NEK6: variants seen among roughly 807,000 people sequenced by gnomAD.
NEK6 encodes NIMA related kinase 6, also known as serine/threonine-protein kinase Nek6.
Under a neutral mutation model 43.5 loss-of-function variants are expected in NEK6, and 27 were observed. The observed-to-expected ratio is 0.62, with a 90% confidence interval of 0.46 to 0.86. The LOEUF (loss-of-function observed/expected upper bound fraction) is 0.86, where lower values mean the gene tolerates loss of function less well. NEK6 is among the 40% of genes least tolerant of loss of function. The pLI, the probability that NEK6 is intolerant of heterozygous loss-of-function variation, is 0.00. For synonymous variants in NEK6, 167 were observed against 164.1 expected (o/e 1.02, Z -0.14); for missense variants, 318 against 414.4 (o/e 0.77, Z 2.02).
intron 1 of NEK6, chr9:124,258,339 G>A (rs1830891280): frequency 1.0e-6 from 1 of 985,034 alleles, no homozygotes; most frequent in African/African-American, 1.7e-5. Context: ...GTGCACCCCG[G>A]AGCGTCTGGT....
chr9:124,265,305 C>A (rs1412390307), intron 1 of NEK6, among the ~76,000 whole-genome samples: 1 of 152,188 alleles, frequency 6.6e-6, no homozygotes, highest in African/African-American at 2.4e-5. Flanking sequence ...AGGCGGATCA[C>A]GAGCTCAGGA....
chr9:124,344,572 C>T (rs1829818861), intron 8 of NEK6, among the ~76,000 whole-genome samples: 1 of 152,202 alleles, frequency 6.6e-6, no homozygotes, highest in Non-Finnish European at 1.5e-5. Flanking sequence ...GAGCTGGGAG[C>T]AACAATGCCC....
intron 1 of NEK6, among the ~76,000 whole-genome samples, chr9:124,287,024 C>T (rs1318978725): frequency 6.6e-6 from 1 of 152,192 alleles, no homozygotes; most frequent in African/African-American, 2.4e-5. Flanking sequence ...ACCTGCTGCC[C>T]CCCGGCTGTG....
At position 124,279,200 on chromosome 9, in the gene NEK6, A is replaced by G. The variant is rs1353358065; in HGVS notation, c.-30+21115A>G. 1.3e-5 allele frequency among the ~76,000 whole-genome samples: 2 copies of G among 151,780 alleles called. 1 individual carries two copies. The highest frequency in any genetic ancestry group is 2.9e-5 in the Non-Finnish European group (2 of 67,946). ...CAGGAGGGTCTTTATGGGGGCAAAC[A>G]GGGCAGGGAGCTCCCCCTCGGACCC... is the stretch of plus-strand genomic sequence containing the variant. On this transcript the variant is annotated intron_variant, in intron 1 of 9. Transcript: ENST00000320246.
rs966808595 is a variant in NEK6, at chr9:124,258,060, C to G, written c.-55C>G. On this transcript the variant is annotated 5_prime_UTR_variant, in exon 1 of 10. Coordinates refer to ENST00000320246, the MANE Select transcript of NEK6 (RefSeq NM_014397.6). ...GCGGGCCAGCGCACCGGTCCCCCAGCGGCAGCCGAGCCCGCCCGCGCGCCG... is the reference window on the plus strand; with the variant it reads ...GCGGGCCAGCGCACCGGTCCCCCAGGGGCAGCCGAGCCCGCCCGCGCGCCG... The G allele has an allele frequency of 2.0e-6, 2 of 979,058 alleles. No individual in the cohort carries two copies. The highest frequency in any genetic ancestry group is 1.3e-4 in the Admixed American group (2 of 15,702). The allele number at this position is 979,058 out of a possible 1,614,324, so 60.6% of individuals were successfully genotyped here.
Position 124,350,911 on chromosome 9 carries a change from G to A in NEK6, c.906G>A (p.Val302=), listed in dbSNP as rs141017419. Residue 302 remains valine (V), a synonymous_variant, in exon 10 of 10, where the codon GTG becomes GTA. Coordinates refer to ENST00000320246, the MANE Select transcript of NEK6 (RefSeq NM_014397.6). ...CTGACATCGGATACGTGCACCAGGT[G>A]GCCAAGCAGATGCACATCTGGATGT... The part of the protein sequence containing the change: ...QRPDIGYVHQ[V]AKQMHIWMSS... 7.6e-4 allele frequency: 1,224 copies of A among 1,611,054 alleles called. 1 individual carries two copies. The highest frequency in any genetic ancestry group is 9.3e-4 in the Non-Finnish European group (1,095 of 1,179,922).
chr9:124,291,693 T>G, intron 1 of NEK6: 1 of 265,490 alleles, frequency 3.8e-6, no homozygotes, highest in Non-Finnish European at 5.8e-6. Flanking sequence ...TGGGCCCCAG[T>G]GTGGATAGGT....
At chr9:124,266,105 G>T (rs1831217020) in intron 1 of NEK6, among the ~76,000 whole-genome samples, 1 of 152,234 alleles carries the variant, frequency 6.6e-6, no homozygotes, top group Non-Finnish European at 1.5e-5. Context: ...AGAGGGCTGG[G>T]GTGAAGGGCA....
chr9:124,348,319 C>T (rs1830060568), intron 9 of NEK6, among the ~76,000 whole-genome samples: 1 of 152,214 alleles, frequency 6.6e-6, no homozygotes, highest in Non-Finnish European at 1.5e-5. Flanking sequence ...ACATTTTACA[C>T]TGGCTGCGGG....
chr9:124,322,617 C>T (rs1834126886), intron 5 of NEK6, among the ~76,000 whole-genome samples: 1 of 152,244 alleles, frequency 6.6e-6, no homozygotes, highest in Non-Finnish European at 1.5e-5. Flanking sequence ...TAGTGGAGGT[C>T]CTCACGTCCC....
At chr9:124,335,157 T>A (rs1189178272) in intron 7 of NEK6, among the ~76,000 whole-genome samples, 1 of 152,186 alleles carries the variant, frequency 6.6e-6, no homozygotes, top group Non-Finnish European at 1.5e-5. Flanking sequence ...GGAATCCACT[T>A]ACATTTGTCC....
At chr9:124,269,534 C>T (rs888066916) in intron 1 of NEK6, among the ~76,000 whole-genome samples, 8 of 152,002 alleles carry the variant, frequency 5.3e-5, no homozygotes, top group South Asian at 4.2e-4. Flanking sequence ...CCACCACGCC[C>T]GGCTAATTTT....
At position 124,324,368 on chromosome 9, in the gene NEK6, G is replaced by A. The variant is rs777956690; in HGVS notation, c.406-1962G>A. ...TGTCAGGCAGCAGGGATTGTGTCCCGAGAGCCTGCAGCCTCAAGGGCTGAG... is the reference window on the plus strand; with the variant it reads ...TGTCAGGCAGCAGGGATTGTGTCCCAAGAGCCTGCAGCCTCAAGGGCTGAG... On this transcript the variant is annotated intron_variant, in intron 5 of 9. Transcript: ENST00000320246. The surrounding 1 kb of genome is among the most constrained non-coding windows in gnomAD (Gnocchi z 5.3). Among the ~76,000 whole-genome samples, 27 of 152,198 alleles carry A rather than the reference G, an allele frequency of 1.8e-4. No homozygotes were observed. The highest frequency in any genetic ancestry group is 2.9e-4 in the Non-Finnish European group (20 of 68,026).
intron 1 of NEK6, among the ~76,000 whole-genome samples, chr9:124,272,111 G>A (rs550556934): frequency 6.6e-6 from 1 of 152,336 alleles, no homozygotes; most frequent in Admixed American, 6.5e-5. Context: ...TCCACGCCAG[G>A]CCCAGAAGAG....
chr9:124,346,432 G>A (rs1417479673), intron 8 of NEK6, among the ~76,000 whole-genome samples: 1 of 152,190 alleles, frequency 6.6e-6, no homozygotes, highest in Non-Finnish European at 1.5e-5. Context: ...GACAAGCGAC[G>A]GTTCCCCAGG....
At position 124,343,317 on chromosome 9, in the gene NEK6, TG is replaced by T. The variant is rs1047579365; in HGVS notation, c.717+3658del. Among the ~76,000 whole-genome samples the T allele has an allele frequency of 3.3e-4, 6 of 18,086 alleles. No individual in the cohort carries two copies. Among genetic ancestry groups the T allele is most frequent in the African/African-American group, 1.2e-3 (6 of 4,908 alleles). The allele number at this position is 18,086 out of a possible 152,430, so 11.9% of individuals were successfully genotyped here. On this transcript the variant is annotated intron_variant, in intron 8 of 9. Transcript: ENST00000320246. This position sits in a 1 kb window ranked among gnomAD's most constrained non-coding sequence, Gnocchi z 5.1. ...GTACCGATCGCAGCGAGGGGTGGTGTGGGGGGACAGATCACAGCCAGGGGTG... is the reference window on the plus strand; with the variant it reads ...GTACCGATCGCAGCGAGGGGTGGTGTGGGGGACAGATCACAGCCAGGGGTG...
intron 4 of NEK6, among the ~76,000 whole-genome samples, chr9:124,316,071 G>A (rs1186858333): frequency 6.6e-6 from 1 of 152,228 alleles, no homozygotes; most frequent in East Asian, 1.9e-4. Context: ...TCCCGAACAC[G>A]GGTCCCACTC....
chr9:124,317,974 G>A (rs906692177), intron 4 of NEK6, among the ~76,000 whole-genome samples: 8 of 152,142 alleles, frequency 5.3e-5, no homozygotes, highest in Admixed American at 6.5e-5. Context: ...GAATAGCGCC[G>A]TGATGGACAT....
intron 2 of NEK6, among the ~76,000 whole-genome samples, chr9:124,309,496 G>A (rs1327825856): frequency 6.6e-6 from 1 of 152,184 alleles, no homozygotes; most frequent in Admixed American, 6.5e-5. Context: ...GTGCCTGGGG[G>A]AAACTGAGGC....
Sources: allele counts gnomAD v4.1 joint callset (sites outside exome capture counted in the v4.1 genomes callset), GRCh38; gene constraint gnomAD v4.1.1; non-coding constraint Gnocchi (gnomAD v3.1); transcripts MANE v1.5; gene names NCBI Gene and HGNC (gene_info 2026-07-23, HGNC 2026-07-21).